The following CIZ1 variants were observed in gnomAD, a reference collection of about 807,000 sequenced individuals.
The protein encoded by CIZ1 is CDKN1A interacting zinc finger protein 1, also known as cip1-interacting zinc finger protein.
In CIZ1, 58 loss-of-function variants were observed where a neutral mutation model predicts 118.6. The observed-to-expected ratio is 0.49, with a 90% CI of 0.40 to 0.61. The LOEUF is 0.61. Among genes scored for constraint, CIZ1 ranks in the 20% least tolerant of loss-of-function variants. The pLI is 0.00. For synonymous variants in CIZ1, 448 were observed against 443.4 expected (o/e 1.01, Z -0.13); for missense variants, 921 against 1,115.9 (o/e 0.83, Z 2.49).
intron 1 of CIZ1, chr9:128,197,330 G>A (rs1833400514): frequency 6.6e-6 from 1 of 152,306 alleles, no homozygotes; most frequent in African/African-American, 2.4e-5. Flanking sequence ...ACAGAGGCAA[G>A]TTCCAGTGAG....
intron 5 of CIZ1, among the ~76,000 whole-genome samples, 180 bp downstream of exon 5, chr9:128,185,367 T>C (rs1042397427): frequency 2.0e-5 from 3 of 152,182 alleles, no homozygotes; most frequent in African/African-American, 7.2e-5. Flanking sequence ...TAAAAGAATA[T>C]TTGAAGTTTG....
chr9:128,170,938 C>A (rs1444672764), intron 11 of CIZ1, among the ~76,000 whole-genome samples: 1 of 152,038 alleles, frequency 6.6e-6, no homozygotes, highest in African/African-American at 2.4e-5. Context: ...CCAACCTGAG[C>A]AACACAGCAA....
Position 128,203,303 on chromosome 9 carries a change from C to G in CIZ1, c.-6+883G>C. 2.3e-6 allele frequency: 1 copy of G among 429,618 alleles called. No homozygotes were observed. Among genetic ancestry groups the G allele is most frequent in the Non-Finnish European group, 3.4e-6 (1 of 297,406 alleles). The allele number at this position is 429,618 out of a possible 1,614,324, so 26.6% of individuals were successfully genotyped here. ...GCGCACGGCGGCCGGCCCGCAGCGCCGCGGGCTCCCCCTAGCGGCGTCCGG... is the reference window on the plus strand; with the variant it reads ...GCGCACGGCGGCCGGCCCGCAGCGCGGCGGGCTCCCCCTAGCGGCGTCCGG... On this transcript the variant is annotated intron_variant, in intron 1 of 17. Coordinates refer to the CIZ1 transcript ENST00000372948. This position sits in a 1 kb window ranked among gnomAD's most constrained non-coding sequence, Gnocchi z 5.3.
chr9:128,180,563 G>C lies in CIZ1; in HGVS notation c.683-40C>G, dbSNP rs746379791. 5 of 1,561,218 alleles carry C rather than the reference G, an allele frequency of 3.2e-6. No homozygotes were observed. The East Asian group carries it at 1.1e-4, about 35-fold the overall frequency. ...TGAGCGAGGGAACTCATGTTGGGAA[G>C]AGCAAGCATCTCTGACCTCCAAGAG... On this transcript the variant is annotated intron_variant, in intron 6 of 16. Transcript: ENST00000372938.
At chr9:128,168,528 GA>G (rs530396817) in intron 14 of CIZ1, among the ~76,000 whole-genome samples, 1,823 of 119,324 alleles carry the variant, frequency 0.015, 26 homozygotes, top group African/African-American at 0.039. Context: ...AAAAAAAAAA[GA>G]AAAAAAAAAA....
rs1588190895 is a variant in CIZ1, at chr9:128,180,913, G to A, written c.589-99C>T. The A allele has an allele frequency of 2.1e-5, 18 of 844,890 alleles. No individual in the cohort carries two copies. The South Asian group carries it at 2.3e-4, about 11-fold the overall frequency. 52.3% of individuals were successfully genotyped at this position (844,890 alleles called of 1,614,324 possible). Reference sequence around the variant, plus strand: ...CCCCCCATCCTCCAGGGGATGACAGGGCCCTGAGGACCTCTGGTGGGCCTG... The same window carrying A: ...CCCCCCATCCTCCAGGGGATGACAGAGCCCTGAGGACCTCTGGTGGGCCTG... On this transcript the variant is annotated intron_variant, in intron 5 of 16. Coordinates refer to ENST00000372938, the MANE Select transcript of CIZ1 (RefSeq NM_001131016.2).
chr9:128,172,172 A>AAAG (rs1830221050), intron 11 of CIZ1, among the ~76,000 whole-genome samples: 12 of 121,342 alleles, frequency 9.9e-5, no homozygotes, highest in Admixed American at 1.8e-4. Context: ...AAAAAAAAAA[A>AAAG]AAAAAGAAAA....
intron 13 of CIZ1, 29 bp downstream of exon 13, chr9:128,169,377 C>T: frequency 6.4e-7 from 1 of 1,574,608 alleles, no homozygotes; most frequent in African/African-American, 1.4e-5. Flanking sequence ...CCTCTCTGGG[C>T]CCATGTCCTC....
At chr9:128,173,914 G>A (rs1588145187) in intron 11 of CIZ1, among the ~76,000 whole-genome samples, 2 of 152,182 alleles carry the variant, frequency 1.3e-5, no homozygotes, top group African/African-American at 4.8e-5. Flanking sequence ...GCGGAGGCAG[G>A]AGAATGGCGT....
At chr9:128,176,314 AC>A (rs1335478097) in intron 11 of CIZ1, 36 bp downstream of exon 11, 2 of 1,606,138 alleles carry the variant, frequency 1.2e-6, no homozygotes, top group Non-Finnish European at 1.7e-6. Flanking sequence ...GAGACTGCCT[AC>A]CCCCCAACAC....
chr9:128,190,581 A>C (rs1833006485), intron 2 of CIZ1, 107 bp downstream of exon 2: 1 of 1,433,390 alleles, frequency 7.0e-7, no homozygotes. Context: ...GGTGATCTCC[A>C]GGACTCAAAC....
At chr9:128,191,860 T>TGCG (rs1195649197), upstream of CIZ1, 7 of 1,474,092 alleles carry the variant, frequency 4.7e-6, no homozygotes, top group Non-Finnish European at 4.5e-6. This position sits in a 1 kb window ranked among gnomAD's most constrained non-coding sequence, Gnocchi z 5.5. Context: ...CCCACCTCCC[T>TGCG]GCGGCCGCCG....
At chr9:128,191,583 G>A (rs1035990842), upstream of CIZ1, 1 of 1,145,176 alleles carries the variant, frequency 8.7e-7, no homozygotes, top group Non-Finnish European at 1.1e-6. This position sits in a 1 kb window ranked among gnomAD's most constrained non-coding sequence, Gnocchi z 5.5. Flanking sequence ...GCCCAAATGC[G>A]GGCGGGGCCG....
chr9:128,191,988 T>A, upstream of CIZ1: 1 of 1,264,500 alleles, frequency 7.9e-7, no homozygotes, highest in Non-Finnish European at 1.0e-6. This position sits in a 1 kb window ranked among gnomAD's most constrained non-coding sequence, Gnocchi z 5.5. Context: ...GGTCTTACAG[T>A]CCGTCAGGAG....
intron 1 of CIZ1, among the ~76,000 whole-genome samples, chr9:128,198,679 A>G (rs1833435772): frequency 6.6e-6 from 1 of 152,004 alleles, no homozygotes; most frequent in Non-Finnish European, 1.5e-5. Context: ...TAAAATACAA[A>G]AAATTAGTCA....
intron 11 of CIZ1, among the ~76,000 whole-genome samples, chr9:128,171,142 A>T (rs1295183362): frequency 6.6e-6 from 1 of 152,064 alleles, no homozygotes; most frequent in Non-Finnish European, 1.5e-5. Flanking sequence ...ATAAATAAAT[A>T]AAAAGGGGGC....
At chr9:128,194,645 C>A (rs941007811), upstream of CIZ1, among the ~76,000 whole-genome samples, 1 of 151,904 alleles carries the variant, frequency 6.6e-6, no homozygotes, top group Admixed American at 6.6e-5. Context: ...AGTGAAACCC[C>A]GTCTCTACTA....
In CIZ1 at chr9:128,191,361, A is replaced by G. The variant is rs906551888; in HGVS notation, c.-6+71T>C. On this transcript the variant is annotated intron_variant, in intron 1 of 16. Coordinates refer to ENST00000372938, the MANE Select transcript of CIZ1 (RefSeq NM_001131016.2). This position sits in a 1 kb window ranked among gnomAD's most constrained non-coding sequence, Gnocchi z 5.5. ...CCACTCCGCCCGCTCCCACCCCGCCAGCCGCCTCCTCCGCAGACACAGCCA... is the reference window on the plus strand; with the variant it reads ...CCACTCCGCCCGCTCCCACCCCGCCGGCCGCCTCCTCCGCAGACACAGCCA... 1 of 511,518 alleles carries G rather than the reference A, an allele frequency of 2.0e-6. No individual in the cohort carries two copies. The highest frequency in any genetic ancestry group is 2.5e-6 in the Non-Finnish European group (1 of 394,758). 31.7% of individuals were successfully genotyped at this position (511,518 alleles called of 1,614,324 possible). A position where few individuals can be genotyped will look rare whatever the true frequency, so the allele number is the denominator to read the frequency against.
At position 128,177,709 on chromosome 9, in the gene CIZ1, G is replaced by A. The variant is rs374084000; in HGVS notation, c.1675C>T (p.Arg559Trp). ...KVTILQSSDS[R>W]AFSTVPLTPV... ...GTCAGGGGTACAGTGCTAAAGGCCC[G>A]GCTGTCACTGCTCTGCAGAATGGTG... Residue 559 changes from arginine (R) to tryptophan (W), a missense_variant, in exon 10 of 17, where the codon CGG becomes TGG. By Grantham distance (101) the Arg-to-Trp change is moderately radical. Coordinates refer to ENST00000372938, the MANE Select transcript of CIZ1 (RefSeq NM_001131016.2). The A allele has an allele frequency of 6.8e-6, 11 of 1,607,538 alleles. No homozygotes were observed. The highest frequency in any genetic ancestry group is 1.7e-4 in the Middle Eastern group (1 of 6,050).
Sources: gnomAD v4.1 joint callset for allele counts (sites outside exome capture counted in the v4.1 genomes callset) on GRCh38, gnomAD v4.1.1 for gene constraint, Gnocchi (gnomAD v3.1) non-coding constraint, MANE v1.5 for transcripts, NCBI Gene and HGNC (gene_info 2026-07-23, HGNC 2026-07-21) for gene names.